Variants in SBF2 observed in about 807,000 individuals in gnomAD.
The protein encoded by SBF2 is myotubularin-related protein 13.
Under a neutral mutation model 225.2 loss-of-function variants are expected in SBF2, and 112 were observed. The ratio of observed to expected loss-of-function variants is 0.50; its 90% CI spans 0.43 to 0.58. The LOEUF is 0.58. Among genes scored for constraint, SBF2 ranks in the 20% least tolerant of loss-of-function variants. The pLI, the probability that SBF2 is intolerant of heterozygous loss-of-function variation, is 0.00. For synonymous variants in SBF2, 763 were observed against 773.3 expected (o/e 0.99, Z 0.22); for missense variants, 1,996 against 2,206.2 (o/e 0.90, Z 1.91).
chr11:9,942,252 A>G (rs1220794212), intron 16 of SBF2, among the ~76,000 whole-genome samples: 2 of 152,190 alleles, frequency 1.3e-5, no homozygotes, highest in South Asian at 2.1e-4. Context: ...ATTTTTTGTG[A>G]GACAGGGTTT....
At chr11:9,969,621 C>T (rs1025204962) in intron 13 of SBF2, among the ~76,000 whole-genome samples, 13 of 152,194 alleles carry the variant, frequency 8.5e-5, no homozygotes, top group South Asian at 6.2e-4. Context: ...TGAATCTGTA[C>T]AGCATCCTCC....
chr11:10,209,309 GTT>G (rs1324349747), intron 1 of SBF2, among the ~76,000 whole-genome samples: 9 of 145,166 alleles, frequency 6.2e-5, no homozygotes, highest in East Asian at 2.1e-4. Context: ...CCACAAATTT[GTT>G]TTTTTTTTTT....
chr11:10,194,000 T>C lies in SBF2; in HGVS notation c.56-13A>G, dbSNP rs562227265. On this transcript the variant is annotated splice_polypyrimidine_tract_variant and intron_variant, in intron 1 of 39. Coordinates refer to ENST00000256190, the MANE Select transcript of SBF2 (RefSeq NM_030962.4). Reference sequence around the variant, plus strand: ...CCTTCTCCTGATCCTGTTAATAAAATCAAAGTGAATCATTATTATAGGACA... The same window carrying C: ...CCTTCTCCTGATCCTGTTAATAAAACCAAAGTGAATCATTATTATAGGACA... 21 of 1,536,194 alleles carry C rather than the reference T, an allele frequency of 1.4e-5. No homozygotes were observed. The South Asian group carries it at 2.2e-4, about 16-fold the overall frequency.
At chr11:10,270,185 T>C (rs1962353262) in intron 1 of SBF2, among the ~76,000 whole-genome samples, 1 of 151,990 alleles carries the variant, frequency 6.6e-6, no homozygotes, top group Non-Finnish European at 1.5e-5. Flanking sequence ...TACAAAGTTG[T>C]CCCTGGAATA....
chr11:10,075,852 G>A (rs1951078497), intron 2 of SBF2, among the ~76,000 whole-genome samples: 2 of 151,818 alleles, frequency 1.3e-5, no homozygotes, highest in Admixed American at 1.3e-4. Flanking sequence ...TCTAGCCTGA[G>A]ACATAAAGGA....
intron 2 of SBF2, among the ~76,000 whole-genome samples, chr11:10,179,267 C>G (rs775476049): frequency 6.6e-6 from 1 of 151,458 alleles, no homozygotes; most frequent in East Asian, 1.9e-4. Context: ...GTGGGTGCAG[C>G]ACACCAGCAT....
At chr11:10,298,794 G>GTCCGCTTC (rs1964570801), upstream of SBF2, among the ~76,000 whole-genome samples, 1 of 152,100 alleles carries the variant, frequency 6.6e-6, no homozygotes, top group Non-Finnish European at 1.5e-5. Context: ...TCCCAAATAT[G>GTCCGCTTC]TCCGCTTCTC....
rs115111678 is a variant in SBF2, at chr11:9,972,331, A to T, written c.1396-3786T>A. 9.7e-3 allele frequency among the ~76,000 whole-genome samples: 1,482 copies of T among 152,246 alleles called. 26 individuals are homozygous for T. The highest frequency in any genetic ancestry group is 0.033 in the African/African-American group (1,384 of 41,526). Reference sequence around the variant, plus strand: ...CCAAAAATTTTGGCTACATTCATTTAAAAAATATGTATTCTCTTATTCTCT... The same window carrying T: ...CCAAAAATTTTGGCTACATTCATTTTAAAAATATGTATTCTCTTATTCTCT... On this transcript the variant is annotated intron_variant, in intron 13 of 39. Coordinates refer to ENST00000256190, the MANE Select transcript of SBF2 (RefSeq NM_030962.4).
At chr11:10,203,698 A>C (rs2135361565) in intron 1 of SBF2, among the ~76,000 whole-genome samples, 1 of 152,280 alleles carries the variant, frequency 6.6e-6, no homozygotes, top group South Asian at 2.1e-4. Context: ...AGATATTCTA[A>C]ATTATCATTA....
intron 6 of SBF2, among the ~76,000 whole-genome samples, chr11:10,005,661 C>T (rs1369652814): frequency 6.6e-6 from 1 of 152,096 alleles, no homozygotes; most frequent in Non-Finnish European, 1.5e-5. Flanking sequence ...GATTTGCTGT[C>T]GGTAACATAC....
chr11:10,142,108 G>A (rs561328086), intron 2 of SBF2, among the ~76,000 whole-genome samples: 1 of 152,158 alleles, frequency 6.6e-6, no homozygotes, highest in Non-Finnish European at 1.5e-5. Context: ...GGAGTAACCT[G>A]TGTCATAGAT....
At chr11:9,924,548 C>T (rs562950821) in intron 16 of SBF2, among the ~76,000 whole-genome samples, 15 of 152,200 alleles carry the variant, frequency 9.9e-5, no homozygotes, top group South Asian at 2.1e-4. Flanking sequence ...TCTCCTGCCT[C>T]AGCTTCCCGA....
rs540639357 is a variant in SBF2 at position 10,251,000 on chromosome 11, A to T, written c.55+43015T>A. ...AGACTTCTACTATCATTAGACTCTT[A>T]TCTTCGAATATTTTTTCCTTATTTA... On this transcript the variant is annotated intron_variant, in intron 1 of 39. Transcript: ENST00000256190. 1.8e-4 allele frequency among the ~76,000 whole-genome samples: 28 copies of T among 152,314 alleles called. 1 individual carries two copies. The highest frequency in any genetic ancestry group is 5.8e-4 in the African/African-American group (24 of 41,570).
chr11:9,822,322 G>A (rs1354237433), intron 28 of SBF2, among the ~76,000 whole-genome samples: 3 of 148,820 alleles, frequency 2.0e-5, no homozygotes, highest in Non-Finnish European at 3.0e-5. Flanking sequence ...GTGCAGTGGC[G>A]CGATCCTGGC....
At chr11:10,268,240 T>C (rs1400701517) in intron 1 of SBF2, among the ~76,000 whole-genome samples, 1 of 152,242 alleles carries the variant, frequency 6.6e-6, no homozygotes, top group Non-Finnish European at 1.5e-5. Context: ...GCAGATGTCA[T>C]TAACTATACA....
intron 16 of SBF2, among the ~76,000 whole-genome samples, chr11:9,923,446 A>G (rs1863787246): frequency 6.6e-6 from 1 of 152,228 alleles, no homozygotes; most frequent in African/African-American, 2.4e-5. Flanking sequence ...ATACTCTACA[A>G]AAATGTGGTT....
chr11:10,149,468 G>A (rs1955061436), intron 2 of SBF2: 1 of 152,100 alleles, frequency 6.6e-6, no homozygotes. Context: ...ATTTGGCAAG[G>A]TAATGCAATT....
chr11:9,939,438 C>T (rs1383887698), intron 16 of SBF2, among the ~76,000 whole-genome samples: 2 of 152,152 alleles, frequency 1.3e-5, no homozygotes, highest in Non-Finnish European at 2.9e-5. Flanking sequence ...ATTAATACTG[C>T]AGGGACTACA....
chr11:9,954,217 A>C (rs1866017829), intron 16 of SBF2, among the ~76,000 whole-genome samples: 1 of 152,220 alleles, frequency 6.6e-6, no homozygotes, highest in Admixed American at 6.5e-5. Context: ...GAAAGACAGA[A>C]GAATAACTTC....
Sources: allele counts gnomAD v4.1 joint callset (sites outside exome capture counted in the v4.1 genomes callset), GRCh38; gene constraint gnomAD v4.1.1; transcripts MANE v1.5; gene names NCBI Gene and HGNC (gene_info 2026-07-23, HGNC 2026-07-21).